Variants in CEP112 observed in about 807,000 individuals in gnomAD.
The protein encoded by CEP112 is centrosomal protein of 112 kDa.
Under a neutral mutation model 153.0 loss-of-function variants are expected in CEP112, and 127 were observed. That is an observed-to-expected ratio of 0.83 (90% CI 0.72 to 0.96). The LOEUF is 0.96. CEP112 is among the 40% of genes least tolerant of loss of function. The probability of loss-of-function intolerance (pLI) is 0.00; values close to 1 mark genes in which losing one functional copy is unlikely to be tolerated. For synonymous variants in CEP112, 358 were observed against 374.4 expected, an observed-to-expected ratio of 0.96 and a Z score of 0.51; for missense variants, 1,089 against 1,101.2, an observed-to-expected ratio of 0.99 and a Z score of 0.16.
intron 4 of CEP112, among the ~76,000 whole-genome samples, chr17:66,165,577 T>C (rs1454540149): frequency 6.6e-6 from 1 of 152,244 alleles, no homozygotes; most frequent in Non-Finnish European, 1.5e-5. Flanking sequence ...TGTTATATAG[T>C]ATCATTTACA....
chr17:66,176,467 C>T lies in CEP112; in HGVS notation c.297+363G>A, dbSNP rs558050409. 9.9e-5 allele frequency among the ~76,000 whole-genome samples: 15 copies of T among 152,130 alleles called. No homozygotes were observed. In the East Asian group the frequency reaches 2.1e-3, roughly 22 times the overall value. ...ATCATGCACTCCAACCTCTCATAAA[C>T]GTTTAAATAATATATATGAAAGAGT... On this transcript the variant is annotated intron_variant, in intron 3 of 26. Coordinates refer to ENST00000535342, the MANE Select transcript of CEP112 (RefSeq NM_001199165.4).
intron 19 of CEP112, chr17:65,913,971 G>T (rs3744318): frequency 0.39 from 248,382 of 634,960 alleles, 49,267 homozygotes; most frequent in South Asian, 0.64. Flanking sequence ...ACTTTCTGTG[G>T]TTTTATCTGC....
intron 6 of CEP112, among the ~76,000 whole-genome samples, chr17:66,122,963 A>G (rs1007629852): frequency 1.3e-5 from 2 of 152,110 alleles, no homozygotes; most frequent in African/African-American, 4.8e-5. Context: ...ACTTCCCAAC[A>G]CTGTTTCCAT....
intron 21 of CEP112, among the ~76,000 whole-genome samples, chr17:65,764,443 G>A (rs1485047104): frequency 1.3e-5 from 2 of 152,222 alleles, no homozygotes; most frequent in Non-Finnish European, 2.9e-5. Flanking sequence ...AATGTCTAAT[G>A]TCTAATGTGC....
At chr17:65,881,243 A>C (rs2146604763) in intron 20 of CEP112, among the ~76,000 whole-genome samples, 1 of 151,688 alleles carries the variant, frequency 6.6e-6, no homozygotes, top group East Asian at 1.9e-4. Context: ...ACCCAAACAA[A>C]CCCCCACAAA....
At position 65,762,285 on chromosome 17, in the gene CEP112, T is replaced by A. The variant is rs61064592; in HGVS notation, c.2395-11561A>T. ...TGCTTAGTGTTAGTATGGTATATATTTTTTTTGATCCATTTACTTTAAACC... is the reference window on the plus strand; with the variant it reads ...TGCTTAGTGTTAGTATGGTATATATATTTTTTGATCCATTTACTTTAAACC... On this transcript the variant is annotated intron_variant, in intron 21 of 26. Transcript: ENST00000535342. Among the ~76,000 whole-genome samples the A allele has an allele frequency of 5.9e-3, 902 of 151,914 alleles. 9 individuals carry two copies. The highest frequency in any genetic ancestry group is 0.02 in the African/African-American group (841 of 41,466).
At chr17:65,984,947 G>A (rs897440054) in intron 17 of CEP112, among the ~76,000 whole-genome samples, 3 of 152,112 alleles carry the variant, frequency 2.0e-5, no homozygotes, top group Non-Finnish European at 4.4e-5. Flanking sequence ...AATGTCCTGA[G>A]GAAGAAAGAC....
intron 21 of CEP112, among the ~76,000 whole-genome samples, chr17:65,841,048 G>A (rs2057497853): frequency 1.3e-5 from 2 of 152,056 alleles, no homozygotes; most frequent in African/African-American, 4.8e-5. Flanking sequence ...TACATTGTTA[G>A]TGAGAATGCA....
intron 4 of CEP112, among the ~76,000 whole-genome samples, chr17:66,168,352 T>A (rs2072070874): frequency 6.6e-6 from 1 of 152,004 alleles, no homozygotes. Context: ...TTTAACTTTA[T>A]CCTATTAGAT....
At chr17:65,819,263 T>C (rs2056417100) in intron 21 of CEP112, among the ~76,000 whole-genome samples, 2 of 151,968 alleles carry the variant, frequency 1.3e-5, no homozygotes. Context: ...CTGTTAGCTG[T>C]GATTCCTTAC....
At chr17:65,836,649 A>G (rs1000670024) in intron 21 of CEP112, among the ~76,000 whole-genome samples, 2 of 152,206 alleles carry the variant, frequency 1.3e-5, no homozygotes, top group African/African-American at 4.8e-5. Context: ...TTAACAGACC[A>G]AAAGGGAGAG....
In CEP112 at chr17:65,756,152, C is replaced by T. The variant is rs190414992; in HGVS notation, c.2395-5428G>A. On this transcript the variant is annotated intron_variant, in intron 21 of 26. Transcript: ENST00000535342. Reference sequence around the variant, plus strand: ...AGGCTGGTGGCTCATGCCTGTAATCCCAGCACTCTGGGAGGCCAAGGCAGG... The same window carrying T: ...AGGCTGGTGGCTCATGCCTGTAATCTCAGCACTCTGGGAGGCCAAGGCAGG... 5.9e-5 allele frequency among the ~76,000 whole-genome samples: 9 copies of T among 152,208 alleles called. No individual in the cohort carries two copies. In the East Asian group the frequency reaches 1.7e-3, roughly 29 times the overall value.
At chr17:65,836,678 ATAG>A (rs1248842952) in intron 21 of CEP112, among the ~76,000 whole-genome samples, 1 of 152,232 alleles carries the variant, frequency 6.6e-6, no homozygotes, top group Admixed American at 6.5e-5. Context: ...CAATGCAATA[ATAG>A]TAGTAGATTT....
chr17:65,701,158 C>T (rs1048306008), intron 23 of CEP112, among the ~76,000 whole-genome samples: 7 of 152,016 alleles, frequency 4.6e-5, no homozygotes, highest in Admixed American at 3.3e-4. Context: ...CAAGAGATGG[C>T]GAGAAATGAT....
rs1224698621 is a variant in CEP112, at chr17:66,189,315, A to T, written c.-9+2682T>A. On this transcript the variant is annotated intron_variant, in intron 1 of 26. Coordinates refer to ENST00000535342, the MANE Select transcript of CEP112 (RefSeq NM_001199165.4). The stretch of plus-strand genomic sequence containing the variant: ...CAGGAGTTCAAGACCAGCCTGGCCA[A>T]CATGGTGAAACCCCGTCTCTACTAA... Among the ~76,000 whole-genome samples the T allele has an allele frequency of 9.2e-5, 14 of 152,298 alleles. No individual in the cohort carries two copies. The East Asian group carries it at 2.7e-3, about 29-fold the overall frequency.
intron 18 of CEP112, among the ~76,000 whole-genome samples, chr17:65,950,761 T>C (rs546048364): frequency 7.3e-5 from 11 of 151,508 alleles, no homozygotes; most frequent in Non-Finnish European, 1.5e-4. Context: ...ATGCACTGGC[T>C]AGAAGTTCCA....
rs562064011 is a variant in CEP112, at chr17:65,671,696, T to C, written c.2697+17433A>G. Among the ~76,000 whole-genome samples the C allele has an allele frequency of 8.5e-5, 13 of 152,316 alleles. No homozygotes were observed. The East Asian group carries it at 2.5e-3, about 29-fold the overall frequency. On this transcript the variant is annotated intron_variant, in intron 24 of 26. Transcript: ENST00000535342. ...TATTTATAGTACTTGTGTGTGTATGTGTGTGTGTATTCCTACTATAATACA... is the reference window on the plus strand; with the variant it reads ...TATTTATAGTACTTGTGTGTGTATGCGTGTGTGTATTCCTACTATAATACA...
At position 65,767,522 on chromosome 17, in the gene CEP112, T is replaced by C. The variant is rs142714199; in HGVS notation, c.2395-16798A>G. Among the ~76,000 whole-genome samples the C allele has an allele frequency of 4.0e-3, 521 of 130,402 alleles. 9 individuals carry two copies. The highest frequency in any genetic ancestry group is 1.1e-3 in the Non-Finnish European group (71 of 63,904). 85.5% of individuals were successfully genotyped at this position (130,402 alleles called of 152,430 possible). On this transcript the variant is annotated intron_variant, in intron 21 of 26. Transcript: ENST00000535342. ...CCAAAGTTAGCAGAAGGAAGGAAAT[T>C]AATAAATATCAGAAAAGAAATAGAG...
intron 17 of CEP112, among the ~76,000 whole-genome samples, chr17:65,989,387 T>C (rs2063516556): frequency 6.7e-6 from 1 of 150,032 alleles, no homozygotes; most frequent in South Asian, 2.1e-4. Flanking sequence ...GCAAATAATT[T>C]AAAGAAGCTC....
Sources: allele counts gnomAD v4.1 joint callset (sites outside exome capture counted in the v4.1 genomes callset), GRCh38; gene constraint gnomAD v4.1.1; transcripts MANE v1.5; gene names NCBI Gene and HGNC (gene_info 2026-07-23, HGNC 2026-07-21).